CERS3: variants seen among roughly 807,000 people sequenced by gnomAD.
CERS3 encodes LAG1 homolog, ceramide synthase 3.
A neutral mutation model predicts 50.3 loss-of-function variants in CERS3; 33 were observed. That is an observed-to-expected ratio of 0.66 (90% CI 0.50 to 0.88). The LOEUF is 0.88. Ranked by LOEUF, CERS3 falls within the 40% of genes least tolerant of loss-of-function variation. The probability of loss-of-function intolerance (pLI) is 0.00; values close to 1 mark genes in which losing one functional copy is unlikely to be tolerated. For missense variants in CERS3, 470 were observed against 460.3 expected (o/e 1.02, Z -0.19); for synonymous variants, 176 against 155.2 (o/e 1.13, Z -0.99).
chr15:100,528,734 C>G (rs1343550106), intron 1 of CERS3, 79 bp downstream of exon 1: 1 of 152,428 alleles, frequency 6.6e-6, no homozygotes, highest in Non-Finnish European at 1.5e-5. Context: ...CATACACACA[C>G]AAGCTCACAC....
chr15:100,421,455 C>A (rs2032418948), intron 11 of CERS3, among the ~76,000 whole-genome samples: 2 of 152,064 alleles, frequency 1.3e-5, no homozygotes, highest in Admixed American at 1.3e-4. Flanking sequence ...AATGGAAGAA[C>A]ATTCCATGCT....
At chr15:100,541,278 C>T (rs2037196323) in intron 1 of CERS3, among the ~76,000 whole-genome samples, 1 of 152,176 alleles carries the variant, frequency 6.6e-6, no homozygotes, top group East Asian at 1.9e-4. Flanking sequence ...TTGAGACCAG[C>T]CTGACCAACA....
intron 11 of CERS3, among the ~76,000 whole-genome samples, chr15:100,449,108 C>G (rs1041707549): frequency 6.6e-6 from 1 of 152,202 alleles, no homozygotes; most frequent in Non-Finnish European, 1.5e-5. Context: ...CACTCCCTCC[C>G]CCTACTGCCC....
At chr15:100,417,182 C>A (rs1300744055) in intron 11 of CERS3, among the ~76,000 whole-genome samples, 2 of 151,646 alleles carry the variant, frequency 1.3e-5, no homozygotes, top group African/African-American at 4.9e-5. Context: ...AGGTTCATCT[C>A]ACTAGGGAGT....
At chr15:100,462,235 G>A (rs1035244305) in intron 10 of CERS3, among the ~76,000 whole-genome samples, 1 of 152,182 alleles carries the variant, frequency 6.6e-6, no homozygotes, top group African/African-American at 2.4e-5. Flanking sequence ...CATGCCCTTG[G>A]ATTGCAAAAC....
intron 3 of CERS3, among the ~76,000 whole-genome samples, chr15:100,497,121 A>G (rs1476373285): frequency 6.6e-6 from 1 of 152,216 alleles, no homozygotes; most frequent in Non-Finnish European, 1.5e-5. Context: ...CACATGTTTT[A>G]CTGGGTCATA....
chr15:100,421,478 G>T (rs2032420549), intron 11 of CERS3, among the ~76,000 whole-genome samples: 1 of 152,058 alleles, frequency 6.6e-6, no homozygotes, highest in African/African-American at 2.4e-5. Flanking sequence ...TGGGTAGGAA[G>T]AAACAATATC....
In CERS3 at chr15:100,461,627, C is replaced by A. The variant is rs74041438; in HGVS notation, c.846-5581G>T. Reference sequence around the variant, plus strand: ...CTACCACTATGGCCACTACTACTTTCCCACAACTAGCCCTCTCCTACTGCA... The same window carrying A: ...CTACCACTATGGCCACTACTACTTTACCACAACTAGCCCTCTCCTACTGCA... On this transcript the variant is annotated intron_variant, in intron 10 of 11. Transcript: ENST00000679737. 2.0e-3 allele frequency among the ~76,000 whole-genome samples: 302 copies of A among 152,326 alleles called. 1 individual carries two copies. Among genetic ancestry groups the A allele is most frequent in the African/African-American group, 6.7e-3 (277 of 41,582 alleles).
At chr15:100,416,745 T>A (rs1249198757) in intron 11 of CERS3, among the ~76,000 whole-genome samples, 1 of 152,180 alleles carries the variant, frequency 6.6e-6, no homozygotes, top group Non-Finnish European at 1.5e-5. Context: ...ACTTCCCAAC[T>A]GGTCCCTCCC....
chr15:100,508,101 C>T (rs962763140), intron 2 of CERS3, among the ~76,000 whole-genome samples: 4 of 152,130 alleles, frequency 2.6e-5, no homozygotes, highest in Non-Finnish European at 4.4e-5. Context: ...TTGTCTGAAC[C>T]GTAAGTGTAG....
At chr15:100,487,423 T>A (rs139181529) in intron 4 of CERS3, among the ~76,000 whole-genome samples, 185 of 152,354 alleles carry the variant, frequency 1.2e-3, no homozygotes, top group African/African-American at 4.3e-3. Context: ...TATGCTCAAT[T>A]CACAGAAGAG....
rs1284713093 is a variant in CERS3, at chr15:100,501,811, T to G, written c.39A>C (p.Arg13Ser). The G allele has an allele frequency of 6.2e-7, 1 of 1,614,052 alleles. No individual in the cohort carries two copies. Among genetic ancestry groups the G allele is most frequent in the African/African-American group, 1.3e-5 (1 of 74,924 alleles). Residue 13 changes from arginine (R) to serine (S), a missense_variant, in exon 3 of 12, where the codon AGA becomes AGC. Transcript: ENST00000679737. ...ACTTTATTGTTGGAGGAAGCCAGAA[T>G]CTTTCCAACCAGAACCATTCTTTAA... Reference protein sequence around the residue: ...WTFKEWFWLERFWLPPTIKWS... With the variant: ...WTFKEWFWLESFWLPPTIKWS...
intron 11 of CERS3, among the ~76,000 whole-genome samples, chr15:100,418,012 A>G (rs920682574): frequency 6.6e-6 from 1 of 152,136 alleles, no homozygotes; most frequent in African/African-American, 2.4e-5. Flanking sequence ...GAAACTCTAA[A>G]ACGCAGAGCA....
intron 9 of CERS3, among the ~76,000 whole-genome samples, chr15:100,470,577 A>T (rs1236388525): frequency 6.6e-6 from 1 of 152,160 alleles, no homozygotes; most frequent in Non-Finnish European, 1.5e-5. Flanking sequence ...GGTGGGAAGC[A>T]AGGGATGTGC....
At chr15:100,465,419 G>A (rs2034680112) in intron 10 of CERS3, among the ~76,000 whole-genome samples, 1 of 152,170 alleles carries the variant, frequency 6.6e-6, no homozygotes, top group South Asian at 2.1e-4. Context: ...ACTCCATGAA[G>A]ATGATTGTGC....
chr15:100,459,543 T>A (rs1378566395), intron 10 of CERS3, among the ~76,000 whole-genome samples: 1 of 152,152 alleles, frequency 6.6e-6, no homozygotes, highest in Admixed American at 6.6e-5. Context: ...TTAAGGGAGT[T>A]AAGCCTTCCA....
chr15:100,474,142 A>C (rs72633244), intron 8 of CERS3, among the ~76,000 whole-genome samples: 1 of 2,212 alleles, frequency 4.5e-4, no homozygotes, highest in Non-Finnish European at 4.5e-3. Context: ...GAGAGAAACG[A>C]GGAGTGACTG....
At chr15:100,488,878 G>T (rs924459865) in intron 4 of CERS3, among the ~76,000 whole-genome samples, 3 of 151,446 alleles carry the variant, frequency 2.0e-5, no homozygotes, top group South Asian at 2.1e-4. Flanking sequence ...CCTGGTTCAA[G>T]CTGTCCTCCT....
At chr15:100,442,568 C>T (rs2033726941) in intron 11 of CERS3, among the ~76,000 whole-genome samples, 1 of 152,194 alleles carries the variant, frequency 6.6e-6, no homozygotes, top group African/African-American at 2.4e-5. Context: ...CTACAAGTGC[C>T]AGAAATCTGG....
Sources: gnomAD v4.1 joint callset for allele counts (sites outside exome capture counted in the v4.1 genomes callset) on GRCh38, gnomAD v4.1.1 for gene constraint, MANE v1.5 for transcripts, NCBI Gene and HGNC (gene_info 2026-07-23, HGNC 2026-07-21) for gene names.